The following CLSTN1 variants were observed in gnomAD, a reference collection of about 807,000 sequenced individuals.
The protein encoded by CLSTN1 is calsyntenin-1.
In CLSTN1, 28 loss-of-function variants were observed where a neutral mutation model predicts 108.3. That is an observed-to-expected ratio of 0.26 (90% CI 0.19 to 0.35). The LOEUF (loss-of-function observed/expected upper bound fraction) is 0.35, where lower values mean the gene tolerates loss of function less well. Ranked by LOEUF, CLSTN1 falls within the 10% of genes least tolerant of loss-of-function variation. The probability of loss-of-function intolerance (pLI) is 1.00; values close to 1 mark genes in which losing one functional copy is unlikely to be tolerated. For synonymous variants in CLSTN1, 524 were observed against 534.9 expected (o/e 0.98, Z 0.28); for missense variants, 1,157 against 1,302.6 (o/e 0.89, Z 1.72).
Position 9,734,853 on chromosome 1 carries a change from C to G in CLSTN1, c.2110+95G>C. On this transcript the variant is annotated intron_variant, in intron 14 of 18. Transcript: ENST00000377298. This position sits in a 1 kb window ranked among gnomAD's most constrained non-coding sequence, Gnocchi z 4.8. ...CACCAACGAAAGATTAAAACCTCCC[C>G]AAATCCCACAGAGACAAAGAGCCCC... The G allele has an allele frequency of 1.9e-6, 2 of 1,077,478 alleles. No homozygotes were observed. The highest frequency in any genetic ancestry group is 2.8e-6 in the Non-Finnish European group (2 of 717,954). The allele number at this position is 1,077,478 out of a possible 1,614,324, so 66.7% of individuals were successfully genotyped here. A position where few individuals can be genotyped will look rare whatever the true frequency, so the allele number is the denominator to read the frequency against.
At chr1:9,810,033 T>TGAGAAAGAGA (rs1553183494) in intron 1 of CLSTN1, among the ~76,000 whole-genome samples, 1 of 105,124 alleles carries the variant, frequency 9.5e-6, no homozygotes, top group East Asian at 2.7e-4. Flanking sequence ...AGGGAGACTC[T>TGAGAAAGAGA]GAGAAAGAGA....
At chr1:9,797,802 A>G (rs1395020706) in intron 1 of CLSTN1, among the ~76,000 whole-genome samples, 1 of 152,076 alleles carries the variant, frequency 6.6e-6, no homozygotes. Flanking sequence ...AGGAATGTTA[A>G]AATATTGCAG....
At chr1:9,731,521 G>C in intron 17 of CLSTN1, 131 bp from the exon 18 acceptor site, 1 of 1,069,048 alleles carries the variant, frequency 9.4e-7, no homozygotes, top group Non-Finnish European at 1.4e-6. Context: ...AGGCCAGGAG[G>C]AAATACCAGG....
chr1:9,753,930 A>C (rs1457676681), intron 4 of CLSTN1, among the ~76,000 whole-genome samples: 1 of 152,054 alleles, frequency 6.6e-6, no homozygotes, highest in African/African-American at 2.4e-5. Context: ...CTCCCGCCTT[A>C]GCCTCCCAAG....
chr1:9,778,481 TTTTG>T (rs1400579370), intron 1 of CLSTN1, among the ~76,000 whole-genome samples: 1 of 152,152 alleles, frequency 6.6e-6, no homozygotes, highest in Non-Finnish European at 1.5e-5. Context: ...TTTTTTTTAT[TTTTG>T]TTTGTTTCTC....
At chr1:9,807,010 G>GT (rs1229301413) in intron 1 of CLSTN1, among the ~76,000 whole-genome samples, 2 of 151,680 alleles carry the variant, frequency 1.3e-5, no homozygotes, top group African/African-American at 2.4e-5. Context: ...CAGTAAGGGC[G>GT]TGGGGGGGGG....
rs758085574 is a variant in CLSTN1, at chr1:9,731,771, G to T, written c.2553C>A (p.His851Gln). 3 of 1,614,242 alleles carry T rather than the reference G, an allele frequency of 1.9e-6. No homozygotes were observed. The East Asian group carries it at 6.7e-5, about 36-fold the overall frequency. ...DLSGHNLANP[H>Q]PFAVVPSTAT... Reference sequence around the variant, plus strand: ...CTCCCCATGTCCTACCTGCGAACGGGTGGGGGTTGGCCAGGTTGTGGCCTG... The same window carrying T: ...CTCCCCATGTCCTACCTGCGAACGGTTGGGGGTTGGCCAGGTTGTGGCCTG... The change falls in exon 17 of 19, where the codon CAC becomes CAA. Residue 851 changes from histidine to glutamine, a missense_variant. Coordinates refer to ENST00000377298, the MANE Select transcript of CLSTN1 (RefSeq NM_001009566.3).
chr1:9,770,723 G>A (rs1652634632), intron 2 of CLSTN1, among the ~76,000 whole-genome samples: 1 of 152,252 alleles, frequency 6.6e-6, no homozygotes, highest in African/African-American at 2.4e-5. Context: ...GCTGGGTGTG[G>A]TGGCTCACGC....
intron 1 of CLSTN1, among the ~76,000 whole-genome samples, chr1:9,795,051 C>A (rs1653929187): frequency 6.6e-6 from 1 of 150,562 alleles, no homozygotes; most frequent in Admixed American, 6.8e-5. Context: ...AATCAAGATT[C>A]TGTCTTTGCA....
intron 7 of CLSTN1, among the ~76,000 whole-genome samples, chr1:9,746,601 C>G (rs1242349849): frequency 6.6e-6 from 1 of 152,138 alleles, no homozygotes; most frequent in Non-Finnish European, 1.5e-5. Context: ...GTAATCTCAG[C>G]TACTTGGGAG....
intron 1 of CLSTN1, among the ~76,000 whole-genome samples, chr1:9,784,108 G>C (rs1653370698): frequency 6.7e-6 from 1 of 150,028 alleles, no homozygotes; most frequent in African/African-American, 2.5e-5. Flanking sequence ...GGTGACGGAG[G>C]TTGCAATGAG....
At chr1:9,753,879 C>T (rs984312302) in intron 4 of CLSTN1, among the ~76,000 whole-genome samples, 5 of 152,072 alleles carry the variant, frequency 3.3e-5, no homozygotes, top group African/African-American at 1.2e-4. Flanking sequence ...GTGGCACAAT[C>T]ATGGCTCACT....
intron 1 of CLSTN1, among the ~76,000 whole-genome samples, chr1:9,798,806 A>T (rs1035002487): frequency 1.6e-4 from 24 of 152,328 alleles, no homozygotes; most frequent in African/African-American, 4.8e-4. Flanking sequence ...CAAGTAAAAA[A>T]GCCAAAGAAA....
At chr1:9,774,626 A>AT (rs1188759964) in intron 1 of CLSTN1, among the ~76,000 whole-genome samples, 3 of 151,990 alleles carry the variant, frequency 2.0e-5, no homozygotes, top group African/African-American at 7.2e-5. Flanking sequence ...GCCTCCCTCT[A>AT]TTATGAGCTG....
Position 9,734,545 on chromosome 1 carries a change from A to G in CLSTN1, c.2110+403T>C, listed in dbSNP as rs1164611547. ...AGCCAAGATGACACCATTGCACTCCAGCCTGGGCGACAGAGTGAGACTCCA... is the reference window on the plus strand; with the variant it reads ...AGCCAAGATGACACCATTGCACTCCGGCCTGGGCGACAGAGTGAGACTCCA... On this transcript the variant is annotated intron_variant, in intron 14 of 18. Coordinates refer to ENST00000377298, the MANE Select transcript of CLSTN1 (RefSeq NM_001009566.3). This position sits in a 1 kb window ranked among gnomAD's most constrained non-coding sequence, Gnocchi z 4.8. Among the ~76,000 whole-genome samples, 2 of 150,666 alleles carry G rather than the reference A, an allele frequency of 1.3e-5. No homozygotes were observed. The highest frequency in any genetic ancestry group is 3.0e-5 in the Non-Finnish European group (2 of 67,742).
chr1:9,756,708 C>T (rs1305119853), intron 2 of CLSTN1, among the ~76,000 whole-genome samples, 198 bp from the exon 3 acceptor site: 1 of 152,194 alleles, frequency 6.6e-6, no homozygotes, highest in East Asian at 1.9e-4. Context: ...TGAACTACTG[C>T]ATAATTCTGA....
chr1:9,751,402 CTGGGGTGTAAAGTCAG>C, intron 5 of CLSTN1, 55 bp downstream of exon 5: 1 of 1,440,214 alleles, frequency 6.9e-7, no homozygotes, highest in Non-Finnish European at 9.7e-7. Flanking sequence ...AGCACAGAAG[CTGGGGTGTAAAGTCAG>C]TGGGGTTAGC....
At chr1:9,808,200 G>A (rs1431002570) in intron 1 of CLSTN1, among the ~76,000 whole-genome samples, 1 of 152,154 alleles carries the variant, frequency 6.6e-6, no homozygotes, top group Non-Finnish European at 1.5e-5. Context: ...CCATATGCGG[G>A]TGTCACAGCC....
At position 9,743,994 on chromosome 1, in the gene CLSTN1, G is replaced by A. The variant is rs1651120870; in HGVS notation, c.1246C>T (p.His416Tyr). The change falls in exon 9 of 19, where the codon CAC (histidine) becomes TAC (tyrosine). Residue 416 changes from histidine (H) to tyrosine (Y), a missense_variant. By Grantham distance (83) the His-to-Tyr change is moderately conservative. Transcript: ENST00000377298. ...CSSDKTDMNR[H>Y]HYSLYVHGCR... ...CCGTGGACATAGAGGGAGTAGTGGT[G>A]CCGATTCATATCTGCAAAGGCAGTT... 6.2e-7 allele frequency: 1 copy of A among 1,613,852 alleles called. No individual in the cohort carries two copies.
Sources: allele counts gnomAD v4.1 joint callset (sites outside exome capture counted in the v4.1 genomes callset), GRCh38; gene constraint gnomAD v4.1.1; non-coding constraint Gnocchi (gnomAD v3.1); transcripts MANE v1.5; gene names NCBI Gene and HGNC (gene_info 2026-07-23, HGNC 2026-07-21).